The following IRF4 variants were observed in gnomAD, a reference collection of about 807,000 sequenced individuals.
IRF4 encodes the protein lymphocyte-specific interferon regulatory factor.
Under a neutral mutation model 55.5 loss-of-function variants are expected in IRF4, and 13 were observed. The observed-to-expected ratio is 0.23, with a 90% CI of 0.15 to 0.37. The LOEUF is 0.37. Ranked by LOEUF, IRF4 falls within the 10% of genes least tolerant of loss-of-function variation. The pLI is 1.00. For synonymous variants in IRF4, 249 were observed against 240.7 expected (o/e 1.03, Z -0.32); for missense variants, 397 against 593.8 (o/e 0.67, Z 3.44).
intron 7 of IRF4, among the ~76,000 whole-genome samples, chr6:402,844 C>G (rs1173286737): frequency 2.0e-5 from 3 of 152,118 alleles, no homozygotes; most frequent in Admixed American, 2.0e-4. Flanking sequence ...CCAGCCTGGC[C>G]AACATGGCAA....
At chr6:396,357 C>A (rs1761258864) in intron 4 of IRF4, among the ~76,000 whole-genome samples, 1 of 152,208 alleles carries the variant, frequency 6.6e-6, no homozygotes, top group Admixed American at 6.5e-5. Context: ...CCAGGTTTAG[C>A]CATATGACGA....
At position 406,915 on chromosome 6, in the gene IRF4, G is replaced by A. The variant is rs1306484066; in HGVS notation, c.1213-540G>A. 23 of 1,055,550 alleles carry A rather than the reference G, an allele frequency of 2.2e-5. No individual in the cohort carries two copies. In the East Asian group the frequency reaches 1.8e-3, roughly 81 times the overall value. The allele number at this position is 1,055,550 out of a possible 1,614,324, so 65.4% of individuals were successfully genotyped here. A position where few individuals can be genotyped will look rare whatever the true frequency, so the allele number is the denominator to read the frequency against. On this transcript the variant is annotated intron_variant, in intron 8 of 8. Transcript: ENST00000380956. ...TTGTTTTTTGGTGAGTGTGATCCAC[G>A]CTAATAACCAGACAGTATAAATTTG...
Position 393,211 on chromosome 6 carries a change from G to A in IRF4, c.59G>A (p.Gly20Asp), listed in dbSNP as rs1761164408. The change falls in exon 2 of 9, where the codon GGC becomes GAC. Residue 20 changes from glycine to aspartate, a missense_variant. Coordinates refer to ENST00000380956, the MANE Select transcript of IRF4 (RefSeq NM_002460.4). The surrounding 1 kb of genome is among the most constrained non-coding windows in gnomAD (Gnocchi z 5.4). ...GEFGMSAVSC[G>D]NGKLRQWLID... ...TTCGGCATGAGCGCGGTGAGCTGCG[G>A]CAACGGGAAGCTCCGCCAGTGGCTG... 1 of 1,561,166 alleles carries A rather than the reference G, an allele frequency of 6.4e-7. No homozygotes were observed. Among genetic ancestry groups the A allele is most frequent in the Non-Finnish European group, 8.7e-7 (1 of 1,152,458 alleles).
intron 7 of IRF4, 99 bp from the exon 8 acceptor site, chr6:404,919 A>G (rs1309015897): frequency 1.4e-6 from 1 of 731,378 alleles, no homozygotes; most frequent in East Asian, 2.5e-5. Flanking sequence ...TTCCTCTTGC[A>G]GTGTTCAGAA....
chr6:401,520 C>A lies in IRF4; in HGVS notation c.842C>A (p.Thr281Lys). Residue 281 changes from threonine to lysine, a missense_variant, in exon 7 of 9, where the codon ACG becomes AAG. Coordinates refer to ENST00000380956, the MANE Select transcript of IRF4 (RefSeq NM_002460.4). ...GGCTGCCGGATCTCCCATGGACATA[C>A]GTATGACGCCAGCAACCTGGACCAG... ...PEGCRISHGH[T>K]YDASNLDQVL... is the part of the protein sequence containing the mutation. 4 of 1,614,062 alleles carry A rather than the reference C, an allele frequency of 2.5e-6. No homozygotes were observed. The highest frequency in any genetic ancestry group is 3.4e-6 in the Non-Finnish European group (4 of 1,180,028).
At chr6:396,899 C>A (rs1448144284) in intron 4 of IRF4, among the ~76,000 whole-genome samples, 1 of 108,518 alleles carries the variant, frequency 9.2e-6, no homozygotes, top group Non-Finnish European at 1.8e-5. Flanking sequence ...CACTCCTTTA[C>A]CCCCGTCTCA....
At position 394,925 on chromosome 6, in the gene IRF4, T is replaced by C. The variant is rs1761213835; in HGVS notation, c.321T>C (p.Phe107=). The C allele has an allele frequency of 6.2e-7, 1 of 1,614,208 alleles. No individual in the cohort carries two copies. The highest frequency in any genetic ancestry group is 1.3e-5 in the African/African-American group (1 of 75,054). ...LRCALNKSND[F]EELVERSQLD... Reference sequence around the variant, plus strand: ...GCGCTTTGAACAAGAGCAATGACTTTGAGGAACTGGTTGAGCGGAGCCAGC... The same window carrying C: ...GCGCTTTGAACAAGAGCAATGACTTCGAGGAACTGGTTGAGCGGAGCCAGC... Residue 107 remains phenylalanine (F), a synonymous_variant, in exon 3 of 9, where the codon TTT becomes TTC. Transcript: ENST00000380956.
rs536673629 is a variant in IRF4 at position 408,396 on chromosome 6, C to T, written c.*798C>T. 1.6e-4 allele frequency: 38 copies of T among 231,072 alleles called. No individual in the cohort carries two copies. In the Middle Eastern group the frequency reaches 3.9e-3, roughly 24 times the overall value. The allele number at this position is 231,072 out of a possible 1,614,324, so 14.3% of individuals were successfully genotyped here. ...GGTCCCTCTGCCCCGCCCTCCTTCCCATTGGCTTTCTCTCCTTGGCCTTTC... is the reference window on the plus strand; with the variant it reads ...GGTCCCTCTGCCCCGCCCTCCTTCCTATTGGCTTTCTCTCCTTGGCCTTTC... On this transcript the variant is annotated 3_prime_UTR_variant, in exon 9 of 9. Transcript: ENST00000380956.
intron 8 of IRF4, 133 bp from the exon 9 acceptor site, chr6:407,322 T>C (rs1378089517): frequency 2.4e-6 from 2 of 826,372 alleles, no homozygotes; most frequent in Admixed American, 3.3e-5. Flanking sequence ...GCTCCAAATA[T>C]GAAATGTTTT....
rs932541224 is a variant in IRF4 at position 410,133 on chromosome 6, G to A, written c.*2535G>A. ...CCTCATTCCTTGTCTTGATAAAGTG[G>A]AATTGGCAAACTAGAATTTAGTTTG... On this transcript the variant is annotated 3_prime_UTR_variant, in exon 9 of 9. Coordinates refer to ENST00000380956, the MANE Select transcript of IRF4 (RefSeq NM_002460.4). 5.3e-5 allele frequency: 12 copies of A among 228,244 alleles called. No individual in the cohort carries two copies. Among genetic ancestry groups the A allele is most frequent in the Non-Finnish European group, 1.0e-4 (12 of 114,902 alleles). The allele number at this position is 228,244 out of a possible 1,614,324, so 14.1% of individuals were successfully genotyped here.
At position 407,607 on chromosome 6, in the gene IRF4, A is replaced by G. The variant is rs1035245196; in HGVS notation, c.*9A>G. The G allele has an allele frequency of 1.3e-6, 2 of 1,588,328 alleles. No individual in the cohort carries two copies. The highest frequency in any genetic ancestry group is 1.2e-5 in the South Asian group (1 of 85,088). On this transcript the variant is annotated 3_prime_UTR_variant, in exon 9 of 9. Transcript: ENST00000380956. ...CCTCTATTCAAGAATGAAAAATGTC[A>G]AGATGAGTGGTTTTCTTTTTCCTTT...
Position 404,980 on chromosome 6 carries a change from GT to G in IRF4, c.1100-35del, listed in dbSNP as rs761263964. The G allele has an allele frequency of 3.8e-6, 5 of 1,310,606 alleles. No homozygotes were observed. In the African/African-American group the frequency reaches 7.3e-5, roughly 19 times the overall value. The allele number at this position is 1,310,606 out of a possible 1,614,324, so 81.2% of individuals were successfully genotyped here. Reference sequence around the variant, plus strand: ...TAACCTGGTGTGTTCGGTGATGAGGGTTTCTGAACATGGTCTCTTTCTTGTG... The same window carrying G: ...TAACCTGGTGTGTTCGGTGATGAGGGTTCTGAACATGGTCTCTTTCTTGTG... On this transcript the variant is annotated intron_variant, in intron 7 of 8. Coordinates refer to ENST00000380956, the MANE Select transcript of IRF4 (RefSeq NM_002460.4).
chr6:395,733 C>G, intron 3 of IRF4, 114 bp from the exon 4 acceptor site: 1 of 758,932 alleles, frequency 1.3e-6, no homozygotes, highest in African/African-American at 1.8e-5. Context: ...TTTGTCAACA[C>G]CGTGTTATGC....
intron 7 of IRF4, among the ~76,000 whole-genome samples, chr6:404,488 T>C (rs1761489908): frequency 1.3e-5 from 2 of 152,234 alleles, no homozygotes; most frequent in African/African-American, 4.8e-5. Context: ...TGGTGCTCAG[T>C]CACCACGTTG....
At chr6:402,999 G>T (rs1761446817) in intron 7 of IRF4, among the ~76,000 whole-genome samples, 1 of 152,250 alleles carries the variant, frequency 6.6e-6, no homozygotes, top group Non-Finnish European at 1.5e-5. Flanking sequence ...GCACCACGGT[G>T]CTGCAGTTTG....
Position 393,084 on chromosome 6 carries a change from T to G in IRF4, c.-55-14T>G, listed in dbSNP as rs1005832056. 2 of 1,412,954 alleles carry G rather than the reference T, an allele frequency of 1.4e-6. No individual in the cohort carries two copies. The allele number at this position is 1,412,954 out of a possible 1,614,324, so 87.5% of individuals were successfully genotyped here. On this transcript the variant is annotated splice_polypyrimidine_tract_variant and intron_variant, in intron 1 of 8. Coordinates refer to ENST00000380956, the MANE Select transcript of IRF4 (RefSeq NM_002460.4). This position sits in a 1 kb window ranked among gnomAD's most constrained non-coding sequence, Gnocchi z 5.4. Reference sequence around the variant, plus strand: ...CGGTGCCTCGTGGCTGAAGGGCAGCTCTTCTCCCCGCAGTGCAGAGCAGAG... The same window carrying G: ...CGGTGCCTCGTGGCTGAAGGGCAGCGCTTCTCCCCGCAGTGCAGAGCAGAG...
At position 393,239 on chromosome 6, in the gene IRF4, C is replaced by G; in HGVS notation, c.87C>G (p.Ile29Met). The G allele has an allele frequency of 2.5e-6, 4 of 1,579,740 alleles. No homozygotes were observed. The highest frequency in any genetic ancestry group is 2.6e-6 in the Non-Finnish European group (3 of 1,162,720). Residue 29 changes from isoleucine to methionine, a missense_variant, in exon 2 of 9, where the codon ATC becomes ATG. By Grantham distance (10) the Ile-to-Met change is conservative. This residue lies in a region of IRF4 where 341 missense variants were observed against 548.1 expected (regional missense o/e 0.62). Transcript: ENST00000380956. The surrounding 1 kb of genome is among the most constrained non-coding windows in gnomAD (Gnocchi z 5.4). ...ACGGGAAGCTCCGCCAGTGGCTGAT[C>G]GACCAGATCGACAGCGGCAAGTACC... The part of the protein sequence containing the change: ...CGNGKLRQWL[I>M]DQIDSGKYPG...
rs978103139 is a variant in IRF4, at chr6:405,236, G to A, written c.1212+106G>A. Reference sequence around the variant, plus strand: ...TGAAAAGTAAATGTCAAATGACCTGGAAAAATAAGCGTAACCCTTAAACTA... The same window carrying A: ...TGAAAAGTAAATGTCAAATGACCTGAAAAAATAAGCGTAACCCTTAAACTA... On this transcript the variant is annotated intron_variant, in intron 8 of 8. Coordinates refer to ENST00000380956, the MANE Select transcript of IRF4 (RefSeq NM_002460.4). The A allele has an allele frequency of 8.7e-6, 6 of 690,744 alleles. No individual in the cohort carries two copies. In the African/African-American group the frequency reaches 9.0e-5, roughly 10 times the overall value. 42.8% of individuals were successfully genotyped at this position (690,744 alleles called of 1,614,324 possible).
intron 7 of IRF4, among the ~76,000 whole-genome samples, chr6:402,106 C>G (rs948804673): frequency 6.6e-6 from 1 of 152,140 alleles, no homozygotes; most frequent in South Asian, 2.1e-4. Flanking sequence ...TTTTCAGGTT[C>G]CCAGAAAAAT....
Sources: gnomAD v4.1 joint callset for allele counts (sites outside exome capture counted in the v4.1 genomes callset) on GRCh38, gnomAD v4.1.1 for gene constraint, gnomAD v4.1.1 regional missense constraint, Gnocchi (gnomAD v3.1) non-coding constraint, MANE v1.5 for transcripts, NCBI Gene and HGNC (gene_info 2026-07-23, HGNC 2026-07-21) for gene names.